The following ROR1 variants were observed in gnomAD, a reference collection of about 807,000 sequenced individuals.
The protein encoded by ROR1 is inactive tyrosine-protein kinase transmembrane receptor ROR1.
In ROR1, 19 loss-of-function variants were observed where a neutral mutation model predicts 78.8. The observed-to-expected ratio is 0.24, with a 90% CI of 0.17 to 0.35. The LOEUF is 0.35. ROR1 is among the 10% of genes least tolerant of loss of function. The probability of loss-of-function intolerance (pLI) is 1.00; values close to 1 mark genes in which losing one functional copy is unlikely to be tolerated. For synonymous variants in ROR1, 386 were observed against 433.6 expected (o/e 0.89, Z 1.36); for missense variants, 917 against 1,177.8 (o/e 0.78, Z 3.24).
chr1:64,099,005 A>G (rs1368364135), intron 4 of ROR1, among the ~76,000 whole-genome samples: 4 of 152,124 alleles, frequency 2.6e-5, no homozygotes, highest in African/African-American at 9.7e-5. Flanking sequence ...GTCATCAGGA[A>G]ATGTTTACTG....
rs771354328 is a variant in ROR1, at chr1:64,142,378, T to C, written c.929-27T>C. 4 of 1,611,936 alleles carry C rather than the reference T, an allele frequency of 2.5e-6. No individual in the cohort carries two copies. In the East Asian group the frequency reaches 8.9e-5, roughly 36 times the overall value. On this transcript the variant is annotated intron_variant, in intron 6 of 8. Transcript: ENST00000371079. ...CAGCATCTCCTATGTTTCTTTCTAA[T>C]TGTTTGGGTTTTTGTGTGTTTTTCA...
chr1:64,146,659 C>T (rs545146843), intron 7 of ROR1, among the ~76,000 whole-genome samples: 7 of 151,974 alleles, frequency 4.6e-5, no homozygotes, highest in Non-Finnish European at 1.0e-4. Flanking sequence ...AGCTCTATTA[C>T]GATTAGTTTA....
chr1:64,167,061 G>A (rs1052878072), intron 8 of ROR1, among the ~76,000 whole-genome samples: 3 of 152,106 alleles, frequency 2.0e-5, no homozygotes, highest in Non-Finnish European at 4.4e-5. Flanking sequence ...ATTCAGAATT[G>A]GCCCAAAGTC....
intron 1 of ROR1, among the ~76,000 whole-genome samples, chr1:63,908,237 C>G (rs1024086706): frequency 6.6e-6 from 1 of 152,144 alleles, no homozygotes; most frequent in Non-Finnish European, 1.5e-5. Context: ...ATTTCTCCCC[C>G]TGAAGCAAGC....
intron 1 of ROR1, among the ~76,000 whole-genome samples, chr1:64,003,010 TC>T (rs1220777369): frequency 6.6e-6 from 1 of 151,976 alleles, no homozygotes; most frequent in Non-Finnish European, 1.5e-5. Flanking sequence ...TTGATGATGA[TC>T]CCCCTCCCTA....
At chr1:64,126,056 GAA>G (rs1648703032) in intron 4 of ROR1, among the ~76,000 whole-genome samples, 1 of 152,130 alleles carries the variant, frequency 6.6e-6, no homozygotes, top group Non-Finnish European at 1.5e-5. Context: ...GAACTAATCT[GAA>G]AGTTTCAGGA....
intron 1 of ROR1, among the ~76,000 whole-genome samples, chr1:63,995,949 G>T (rs1043991123): frequency 3.9e-5 from 6 of 152,086 alleles, no homozygotes; most frequent in Non-Finnish European, 7.4e-5. Context: ...GATACAAAAA[G>T]ATGTGGATAC....
intron 4 of ROR1, among the ~76,000 whole-genome samples, chr1:64,065,573 C>T (rs1033245579): frequency 6.6e-6 from 1 of 152,102 alleles, no homozygotes; most frequent in Non-Finnish European, 1.5e-5. Context: ...ACTCTATCTC[C>T]AGGTCTTGAA....
chr1:63,988,668 A>G (rs1343553488), intron 1 of ROR1, among the ~76,000 whole-genome samples: 1 of 152,188 alleles, frequency 6.6e-6, no homozygotes, highest in Non-Finnish European at 1.5e-5. Context: ...CCTCCTGGCA[A>G]CCATCATTCT....
At chr1:63,803,553 C>T (rs557189805) in intron 1 of ROR1, among the ~76,000 whole-genome samples, 139 of 152,270 alleles carry the variant, frequency 9.1e-4, no homozygotes, top group Middle Eastern at 3.4e-3. Context: ...ACCATGCTGG[C>T]GAGGCTGGTC....
intron 7 of ROR1, among the ~76,000 whole-genome samples, chr1:64,153,486 T>A (rs1042471108): frequency 4.6e-5 from 7 of 152,228 alleles, no homozygotes; most frequent in African/African-American, 1.7e-4. Flanking sequence ...GATAGCCGTT[T>A]AAGGCAGAAG....
chr1:63,952,839 G>T (rs1645951685), intron 1 of ROR1, among the ~76,000 whole-genome samples: 1 of 152,138 alleles, frequency 6.6e-6, no homozygotes, highest in Non-Finnish European at 1.5e-5. Context: ...GCAAGCAAAA[G>T]ATTTTACCTA....
chr1:64,113,645 A>C (rs928728164), intron 4 of ROR1: 2 of 152,122 alleles, frequency 1.3e-5, no homozygotes, highest in African/African-American at 4.8e-5. Context: ...AACAATTACA[A>C]GTGTGTCTGA....
At chr1:63,876,681 TGCGC>T (rs202209719) in intron 1 of ROR1, among the ~76,000 whole-genome samples, 2 of 83,592 alleles carry the variant, frequency 2.4e-5, no homozygotes, top group African/African-American at 9.7e-5. Flanking sequence ...TGTGTGTGTG[TGCGC>T]GTGTGTGTGT....
chr1:64,019,901 G>A (rs1391938818), intron 2 of ROR1, among the ~76,000 whole-genome samples: 1 of 152,184 alleles, frequency 6.6e-6, no homozygotes, highest in Non-Finnish European at 1.5e-5. Context: ...CTTGAGATGA[G>A]ATTATCCGTC....
chr1:64,071,758 C>T (rs1263500816), intron 4 of ROR1, among the ~76,000 whole-genome samples: 1 of 152,148 alleles, frequency 6.6e-6, no homozygotes, highest in Non-Finnish European at 1.5e-5. Flanking sequence ...AATAAGTCTA[C>T]CATTTTCTAT....
At chr1:64,059,494 A>C (rs1282624921) in intron 4 of ROR1, among the ~76,000 whole-genome samples, 4 of 152,146 alleles carry the variant, frequency 2.6e-5, no homozygotes, top group Non-Finnish European at 5.9e-5. Flanking sequence ...CTGGATCATG[A>C]AGTCAGGAGT....
intron 2 of ROR1, among the ~76,000 whole-genome samples, chr1:64,014,721 A>ATATATATATATATATATATT: frequency 5.4e-5 from 3 of 55,314 alleles, no homozygotes; most frequent in East Asian, 2.2e-3. Context: ...GACTATATAT[A>ATATATATATATATATATATT]TATATACACA....
chr1:63,992,994 A>G (rs1646308204), intron 1 of ROR1, among the ~76,000 whole-genome samples: 1 of 152,156 alleles, frequency 6.6e-6, no homozygotes, highest in African/African-American at 2.4e-5. Flanking sequence ...CAAATATTAG[A>G]TACCTAATAA....
Sources: gnomAD v4.1 joint callset for allele counts (sites outside exome capture counted in the v4.1 genomes callset) on GRCh38, gnomAD v4.1.1 for gene constraint, MANE v1.5 for transcripts, NCBI Gene and HGNC (gene_info 2026-07-23, HGNC 2026-07-21) for gene names.